XPO6: variants seen among roughly 807,000 people sequenced by gnomAD.
The protein encoded by XPO6 is exportin 6, also known as exportin-6.
XPO6 carries 3 observed loss-of-function variants against 130.0 expected under a neutral mutation model. The ratio of observed to expected loss-of-function variants is 0.02; its 90% CI spans 0.01 to 0.06. The LOEUF (loss-of-function observed/expected upper bound fraction) is 0.06, where lower values mean the gene tolerates loss of function less well. Among genes scored for constraint, XPO6 ranks in the 10% least tolerant of loss-of-function variants. The pLI, the probability that XPO6 is intolerant of heterozygous loss-of-function variation, is 1.00. For synonymous variants in XPO6, 524 were observed against 548.9 expected (o/e 0.95, Z 0.63); for missense variants, 970 against 1,393.0 (o/e 0.70, Z 4.83).
chr16:28,195,301 C>T (rs1450866826), intron 1 of XPO6, among the ~76,000 whole-genome samples: 1 of 152,146 alleles, frequency 6.6e-6, no homozygotes, highest in Non-Finnish European at 1.5e-5. Flanking sequence ...ATGGGGACAA[C>T]TTAAATTTCC....
At position 28,101,809 on chromosome 16, in the gene XPO6, C is replaced by G. The variant is rs778358986; in HGVS notation, c.3045+38G>C. The G allele has an allele frequency of 6.2e-7, 1 of 1,607,076 alleles. No homozygotes were observed. Among genetic ancestry groups the G allele is most frequent in the Non-Finnish European group, 8.5e-7 (1 of 1,174,610 alleles). On this transcript the variant is annotated intron_variant, in intron 22 of 23. Coordinates refer to ENST00000304658, the MANE Select transcript of XPO6 (RefSeq NM_015171.4). This position sits in a 1 kb window ranked among gnomAD's most constrained non-coding sequence, Gnocchi z 5.4. ...AGGGTGGGACACAGGCCACAATGCC[C>G]CTGATGGAAGAATATTTCCAAGAGC...
chr16:28,167,925 G>A lies in XPO6; in HGVS notation c.566-1340C>T, dbSNP rs139468097. ...TTAGTGAATGCCAGGGATTGGGGGA[G>A]AGGAGAATGGGGCGGGGTGGGGGAG... is the stretch of plus-strand genomic sequence containing the variant. On this transcript the variant is annotated intron_variant, in intron 5 of 23. Transcript: ENST00000304658. Among the ~76,000 whole-genome samples the A allele has an allele frequency of 7.6e-3, 1,134 of 149,862 alleles. 11 individuals carry two copies. The highest frequency in any genetic ancestry group is 0.012 in the Non-Finnish European group (837 of 67,486).
chr16:28,183,596 T>G (rs1256437247), intron 1 of XPO6, among the ~76,000 whole-genome samples: 1 of 152,194 alleles, frequency 6.6e-6, no homozygotes, highest in African/African-American at 2.4e-5. Flanking sequence ...CAACAATACC[T>G]GCCTCACAGG....
chr16:28,154,939 T>C (rs2043160524), intron 7 of XPO6, among the ~76,000 whole-genome samples: 1 of 152,226 alleles, frequency 6.6e-6, no homozygotes, highest in African/African-American at 2.4e-5. Flanking sequence ...TTTGAATTCA[T>C]ATGGAAAGCT....
chr16:28,170,844 G>A lies in XPO6; in HGVS notation c.406-935C>T, dbSNP rs1022008219. On this transcript the variant is annotated intron_variant, in intron 4 of 23. Transcript: ENST00000304658. ...TAACTAAACAAGACAAAAAAAGTAC[G>A]CCTTCAACAGCAAAGCACTACTTAC... Among the ~76,000 whole-genome samples the A allele has an allele frequency of 4.6e-5, 7 of 152,074 alleles. No homozygotes were observed. In the South Asian group the frequency reaches 6.2e-4, roughly 14 times the overall value.
chr16:28,145,153 T>C (rs1048334709), intron 9 of XPO6, among the ~76,000 whole-genome samples: 1 of 152,220 alleles, frequency 6.6e-6, no homozygotes, highest in Non-Finnish European at 1.5e-5. Context: ...TTTTAGTTTA[T>C]TAGGAAACTA....
chr16:28,172,929 G>A (rs1283952077), intron 4 of XPO6: 1 of 152,016 alleles, frequency 6.6e-6, no homozygotes, highest in South Asian at 2.1e-4. Flanking sequence ...TGTATCCAAG[G>A]GTTCAAACAA....
intron 20 of XPO6, chr16:28,105,790 G>A (rs205362): frequency 0.65 from 306,875 of 474,114 alleles, 103,480 homozygotes; most frequent in East Asian, 0.73. Flanking sequence ...AAAATTTGCC[G>A]CAGGAGACTG....
intron 12 of XPO6, among the ~76,000 whole-genome samples, chr16:28,130,376 A>G (rs1311750960): frequency 2.0e-5 from 3 of 152,228 alleles, no homozygotes; most frequent in Non-Finnish European, 4.4e-5. Context: ...CCTATCAGGG[A>G]TGAGAGGGCA....
intron 21 of XPO6, among the ~76,000 whole-genome samples, 185 bp downstream of exon 21, chr16:28,104,360 AC>A (rs1163526318): frequency 1.3e-5 from 2 of 152,182 alleles, no homozygotes; most frequent in Non-Finnish European, 2.9e-5. Context: ...CAAACCTGTG[AC>A]CCAGGCAACA....
chr16:28,130,911 T>C (rs1198075276), intron 12 of XPO6, among the ~76,000 whole-genome samples: 1 of 152,042 alleles, frequency 6.6e-6, no homozygotes, highest in Non-Finnish European at 1.5e-5. Flanking sequence ...GAAGGGTCAG[T>C]GTGGGGGAGG....
intron 11 of XPO6, 95 bp downstream of exon 11, chr16:28,133,746 G>C: frequency 1.9e-6 from 2 of 1,074,894 alleles, no homozygotes; most frequent in Non-Finnish European, 2.8e-6. Flanking sequence ...AGAGGGGAAA[G>C]AGGGGAGAGA....
intron 15 of XPO6, among the ~76,000 whole-genome samples, chr16:28,115,144 A>C (rs182644550): frequency 1.4e-3 from 216 of 152,288 alleles, no homozygotes; most frequent in Non-Finnish European, 2.6e-3. Context: ...ATTAATGCTG[A>C]TATTTTGATC....
In XPO6 at chr16:28,124,502, C is replaced by T. The variant is rs144019339; in HGVS notation, c.1766+1187G>A. Among the ~76,000 whole-genome samples the T allele has an allele frequency of 3.0e-4, 45 of 152,220 alleles. 1 individual carries two copies. The East Asian group carries it at 7.3e-3, about 25-fold the overall frequency. ...CCCAGTACAAGAAGAGGAGGAGGAA[C>T]GGACTGGCAATACAAACGCTACGGT... On this transcript the variant is annotated intron_variant, in intron 13 of 23. Transcript: ENST00000304658.
chr16:28,175,209 C>T (rs575610786), intron 4 of XPO6, among the ~76,000 whole-genome samples: 1 of 152,178 alleles, frequency 6.6e-6, no homozygotes, highest in Admixed American at 6.5e-5. Flanking sequence ...TGCCTCACCT[C>T]CACCCACCAG....
Position 28,106,440 on chromosome 16 carries a change from T to C in XPO6, c.2555A>G (p.Gln852Arg). 6.2e-7 allele frequency: 1 copy of C among 1,614,248 alleles called. No homozygotes were observed. The highest frequency in any genetic ancestry group is 8.5e-7 in the Non-Finnish European group (1 of 1,180,048). ...FLTLFRGLRV[Q>R]MGVPFTEQII... ...TTGCTCAGTGAAAGGCACACCCATC[T>C]GTACTCTAAGGCCTCGAAACAGAGT... Residue 852 changes from glutamine to arginine, a missense_variant, in exon 19 of 24, where the codon CAG (glutamine) becomes CGG (arginine). By Grantham distance (43) the Gln-to-Arg change is conservative. Transcript: ENST00000304658. This position sits in a 1 kb window ranked among gnomAD's most constrained non-coding sequence, Gnocchi z 4.2.
At chr16:28,149,724 C>T (rs771925335) in intron 8 of XPO6, among the ~76,000 whole-genome samples, 1 of 152,160 alleles carries the variant, frequency 6.6e-6, no homozygotes, top group South Asian at 2.1e-4. Flanking sequence ...GATGTACACA[C>T]AACGATGACA....
chr16:28,144,928 T>C (rs113192771), intron 9 of XPO6, among the ~76,000 whole-genome samples: 24 of 152,204 alleles, frequency 1.6e-4, no homozygotes, highest in Admixed American at 1.6e-3. Context: ...TTCCCCGTCA[T>C]GGCTTCCACT....
intron 6 of XPO6, among the ~76,000 whole-genome samples, chr16:28,164,286 G>A (rs951954842): frequency 2.0e-5 from 3 of 152,152 alleles, no homozygotes; most frequent in African/African-American, 7.2e-5. Flanking sequence ...GGTCAAGAAA[G>A]CAAAACAACT....
Sources: allele counts gnomAD v4.1 joint callset (sites outside exome capture counted in the v4.1 genomes callset), GRCh38; gene constraint gnomAD v4.1.1; non-coding constraint Gnocchi (gnomAD v3.1); transcripts MANE v1.5; gene names NCBI Gene and HGNC (gene_info 2026-07-23, HGNC 2026-07-21).